Variants in MAST4 observed in about 807,000 individuals in gnomAD.
MAST4 encodes the protein microtubule-associated serine/threonine-protein kinase 4.
A neutral mutation model predicts 162.7 loss-of-function variants in MAST4; 89 were observed. That is an observed-to-expected ratio of 0.55 (90% CI 0.46 to 0.65). The LOEUF (loss-of-function observed/expected upper bound fraction) is 0.65. Among genes scored for constraint, MAST4 ranks in the 30% least tolerant of loss-of-function variants. The pLI, the probability that MAST4 is intolerant of heterozygous loss-of-function variation, is 0.00. For missense variants in MAST4, 3,153 were observed against 3,374.0 expected (o/e 0.93, Z 1.62); for synonymous variants, 1,479 against 1,361.1 (o/e 1.09, Z -1.91).
At chr5:67,054,053 T>C (rs1758501631) in intron 4 of MAST4, among the ~76,000 whole-genome samples, 4 of 152,244 alleles carry the variant, frequency 2.6e-5, no homozygotes, top group Admixed American at 2.6e-4. Context: ...GTATTAGAAA[T>C]TTTGTGTCAA....
At chr5:66,690,076 G>A (rs571943220) in intron 1 of MAST4, among the ~76,000 whole-genome samples, 4 of 152,114 alleles carry the variant, frequency 2.6e-5, no homozygotes, top group African/African-American at 4.8e-5. Flanking sequence ...GTGAGACGAT[G>A]GAAAAGCTCT....
At chr5:66,753,629 T>TA (rs1753332894) in intron 1 of MAST4, among the ~76,000 whole-genome samples, 1 of 151,464 alleles carries the variant, frequency 6.6e-6, no homozygotes, top group Admixed American at 6.6e-5. Context: ...AATAGACCAA[T>TA]AACAGGCTCT....
rs529654908 is a variant in MAST4 at position 67,025,269 on chromosome 5, G to A, written c.675-29135G>A. Among the ~76,000 whole-genome samples, 3 of 152,072 alleles carry A rather than the reference G, an allele frequency of 2.0e-5. No homozygotes were observed. In the South Asian group the frequency reaches 6.2e-4, roughly 31 times the overall value. On this transcript the variant is annotated intron_variant, in intron 4 of 28. Coordinates refer to ENST00000403625, the MANE Select transcript of MAST4 (RefSeq NM_001164664.2). ...TCTTTATTAGCACATCAGATATCAA[G>A]ATCTAGAGGCATGTCTAGTAACTAC...
intron 3 of MAST4, among the ~76,000 whole-genome samples, chr5:66,824,678 A>G (rs146078513): frequency 9.2e-5 from 14 of 152,354 alleles, no homozygotes; most frequent in Non-Finnish European, 1.5e-4. Context: ...GTTCTGAGAA[A>G]TGTGTTGCTA....
At chr5:67,125,132 C>G (rs1768059664) in intron 14 of MAST4, among the ~76,000 whole-genome samples, 1 of 152,132 alleles carries the variant, frequency 6.6e-6, no homozygotes, top group African/African-American at 2.4e-5. Flanking sequence ...TGCCAATTTA[C>G]TCTCTATAAT....
rs1227485756 is a variant in MAST4, at chr5:67,078,911, A to AATAAATAAAT, written c.764-11248_764-11247insAATAAATATA. ...TTATATATTTATATATTTTTATATA[A>AATAAATAAAT]ATATATATATATATATATATATATA... On this transcript the variant is annotated intron_variant, in intron 5 of 28. Coordinates refer to ENST00000403625, the MANE Select transcript of MAST4 (RefSeq NM_001164664.2). 2.2e-3 allele frequency among the ~76,000 whole-genome samples: 85 copies of AATAAATAAAT among 38,100 alleles called. 1 individual carries two copies. The highest frequency in any genetic ancestry group is 5.0e-3 in the African/African-American group (40 of 8,072). 25.0% of individuals were successfully genotyped at this position (38,100 alleles called of 152,430 possible). A position where few individuals can be genotyped will look rare whatever the true frequency, so the allele number is the denominator to read the frequency against.
At chr5:66,712,614 A>G (rs927970609) in intron 1 of MAST4, among the ~76,000 whole-genome samples, 4 of 152,234 alleles carry the variant, frequency 2.6e-5, no homozygotes, top group African/African-American at 7.2e-5. Flanking sequence ...GCCAAAGTGG[A>G]TTGAACTTTG....
intron 16 of MAST4, among the ~76,000 whole-genome samples, chr5:67,132,668 T>C (rs1290902341): frequency 6.6e-6 from 1 of 152,142 alleles, no homozygotes; most frequent in Non-Finnish European, 1.5e-5. Flanking sequence ...CATCTTGACA[T>C]CATTTATTAA....
intron 1 of MAST4, among the ~76,000 whole-genome samples, chr5:66,738,788 A>T (rs1752314959): frequency 6.6e-6 from 1 of 152,172 alleles, no homozygotes. Context: ...TTGCACTGTG[A>T]ACCACACCAT....
chr5:67,091,654 G>A (rs1296832358), intron 6 of MAST4, among the ~76,000 whole-genome samples: 1 of 152,092 alleles, frequency 6.6e-6, no homozygotes, highest in African/African-American at 2.4e-5. Context: ...TAAGTAATAA[G>A]CAAAATGGAA....
chr5:66,963,732 A>T (rs1350517363), intron 4 of MAST4: 1 of 779,708 alleles, frequency 1.3e-6, no homozygotes, highest in Admixed American at 1.7e-5. Context: ...CCTGAGTCCA[A>T]CCCCATCCAG....
At chr5:67,155,739 G>A (rs1475863872) in intron 26 of MAST4, among the ~76,000 whole-genome samples, 1 of 152,114 alleles carries the variant, frequency 6.6e-6, no homozygotes, top group Non-Finnish European at 1.5e-5. Context: ...CAGAGCTGAT[G>A]TGCAAAATAC....
At chr5:67,152,004 G>A (rs993980385) in intron 24 of MAST4, among the ~76,000 whole-genome samples, 1 of 152,198 alleles carries the variant, frequency 6.6e-6, no homozygotes, top group Non-Finnish European at 1.5e-5. Context: ...CTGGGCTCAA[G>A]CGACCAGCCT....
intron 1 of MAST4, among the ~76,000 whole-genome samples, chr5:66,724,791 C>T (rs547105469): frequency 1.3e-5 from 2 of 151,830 alleles, no homozygotes; most frequent in African/African-American, 4.8e-5. Context: ...GTATTATAAT[C>T]TTTTATAATA....
chr5:67,125,318 A>G (rs1270303826), intron 14 of MAST4, among the ~76,000 whole-genome samples: 1 of 151,504 alleles, frequency 6.6e-6, no homozygotes, highest in Non-Finnish European at 1.5e-5. Context: ...TTTGTTACAT[A>G]GGTATACACA....
chr5:67,030,115 A>G (rs1755124600), intron 4 of MAST4, among the ~76,000 whole-genome samples: 1 of 152,144 alleles, frequency 6.6e-6, no homozygotes, highest in Non-Finnish European at 1.5e-5. Context: ...TGTAAAACCA[A>G]ATTTCAAATT....
Position 67,121,044 on chromosome 5 carries a change from A to G in MAST4, c.1687A>G (p.Arg563Gly). Residue 563 changes from arginine to glycine, a missense_variant, in exon 14 of 29, where the codon AGG (arginine) becomes GGG (glycine). Coordinates refer to ENST00000403625, the MANE Select transcript of MAST4 (RefSeq NM_001164664.2). ...SSSNASLKLR[R>G]KPRESDFETI... Reference sequence around the variant, plus strand: ...CTCTAATGCCTCCCTGAAACTTCGAAGGAAACCTCGGGAAAGTGATTTTGA... The same window carrying G: ...CTCTAATGCCTCCCTGAAACTTCGAGGGAAACCTCGGGAAAGTGATTTTGA... The G allele has an allele frequency of 6.2e-7, 1 of 1,611,570 alleles. No individual in the cohort carries two copies. Among genetic ancestry groups the G allele is most frequent in the Non-Finnish European group, 8.5e-7 (1 of 1,178,860 alleles).
intron 1 of MAST4, among the ~76,000 whole-genome samples, chr5:66,714,290 C>G (rs1750680435): frequency 6.6e-6 from 1 of 152,138 alleles, no homozygotes; most frequent in African/African-American, 2.4e-5. Context: ...TCTTGGTGGC[C>G]TAGGAGATTT....
chr5:66,711,453 C>T (rs1342258373), intron 1 of MAST4, among the ~76,000 whole-genome samples: 1 of 152,202 alleles, frequency 6.6e-6, no homozygotes, highest in Non-Finnish European at 1.5e-5. Flanking sequence ...CTTCTTCCAT[C>T]CTCAAAGCAT....
Sources: allele counts gnomAD v4.1 joint callset (sites outside exome capture counted in the v4.1 genomes callset), GRCh38; gene constraint gnomAD v4.1.1; transcripts MANE v1.5; gene names NCBI Gene and HGNC (gene_info 2026-07-23, HGNC 2026-07-21).